UNC5D: variants seen among roughly 807,000 people sequenced by gnomAD.
UNC5D encodes the protein netrin receptor UNC5D.
In UNC5D, 39 loss-of-function variants were observed where a neutral mutation model predicts 105.4. The observed-to-expected ratio is 0.37, with a 90% CI of 0.29 to 0.48. UNC5D has a LOEUF of 0.48. Among genes scored for constraint, UNC5D ranks in the 20% least tolerant of loss-of-function variants. UNC5D has a pLI of 0.98. For synonymous variants in UNC5D, 452 were observed against 450.4 expected (o/e 1.00, Z -0.04); for missense variants, 991 against 1,202.4 (o/e 0.82, Z 2.60).
At chr8:35,533,252 T>C (rs1487702298) in intron 1 of UNC5D, among the ~76,000 whole-genome samples, 1 of 152,218 alleles carries the variant, frequency 6.6e-6, no homozygotes, top group African/African-American at 2.4e-5. Context: ...TGTTTGTTAG[T>C]TTTCCTTCTA....
chr8:35,776,628 G>GT (rs1003101105), intron 16 of UNC5D, among the ~76,000 whole-genome samples: 1 of 152,060 alleles, frequency 6.6e-6, no homozygotes, highest in Non-Finnish European at 1.5e-5. Context: ...TGGTTTACTT[G>GT]TTTTTGTTTT....
At chr8:35,361,349 A>AT (rs1801840899) in intron 1 of UNC5D, among the ~76,000 whole-genome samples, 1 of 152,208 alleles carries the variant, frequency 6.6e-6, no homozygotes, top group Non-Finnish European at 1.5e-5. Context: ...ATGGAATCTC[A>AT]TGGCTGTCCT....
chr8:35,525,873 A>G, intron 1 of UNC5D: 1 of 1,132,430 alleles, frequency 8.8e-7, no homozygotes, highest in Non-Finnish European at 1.2e-6. Context: ...CAGTTTAGCT[A>G]TTAAAAAAGA....
intron 1 of UNC5D, among the ~76,000 whole-genome samples, chr8:35,448,804 T>C (rs1196175635): frequency 6.6e-6 from 1 of 152,146 alleles, no homozygotes; most frequent in East Asian, 1.9e-4. Context: ...TGTTATTCTA[T>C]ACTCTATGTC....
intron 8 of UNC5D, among the ~76,000 whole-genome samples, chr8:35,712,092 G>C (rs549099491): frequency 6.6e-6 from 1 of 152,274 alleles, no homozygotes; most frequent in Non-Finnish European, 1.5e-5. Context: ...TCAATATGGT[G>C]AAACCCCATC....
chr8:35,635,536 A>G (rs1413463399), intron 4 of UNC5D, among the ~76,000 whole-genome samples: 1 of 152,148 alleles, frequency 6.6e-6, no homozygotes, highest in Non-Finnish European at 1.5e-5. Context: ...CCTGCTTGGA[A>G]AACATGATAA....
At chr8:35,728,692 T>A (rs546447572) in intron 10 of UNC5D, among the ~76,000 whole-genome samples, 1 of 152,298 alleles carries the variant, frequency 6.6e-6, no homozygotes, top group African/African-American at 2.4e-5. Flanking sequence ...ATGCCATCCA[T>A]CCTAAATTAT....
rs569979626 is a variant in UNC5D, at chr8:35,599,301, A to G, written c.570+3644A>G. Among the ~76,000 whole-genome samples, 3 of 152,240 alleles carry G rather than the reference A, an allele frequency of 2.0e-5. No individual in the cohort carries two copies. In the East Asian group the frequency reaches 5.8e-4, roughly 29 times the overall value. On this transcript the variant is annotated intron_variant, in intron 4 of 16. Coordinates refer to ENST00000404895, the MANE Select transcript of UNC5D (RefSeq NM_080872.4). ...ACTATGTTTATTGGTCTGTGGTACA[A>G]TATGGTGACTATAGTTAATAACAAT...
rs1222940005 is a variant in UNC5D at position 35,253,545 on chromosome 8, G to GGT, written c.103+17659_103+17660insTG. Among the ~76,000 whole-genome samples the GGT allele has an allele frequency of 3.1e-3, 440 of 141,854 alleles. 3 individuals are homozygous for GGT. Among genetic ancestry groups the GGT allele is most frequent in the African/African-American group, 0.011 (427 of 37,834 alleles). The allele number at this position is 141,854 out of a possible 152,430, so 93.1% of individuals were successfully genotyped here. ...TCTGTCGCCCAGGCTGGAGTGCAGTGGCACTATCTCAGCTCACTGCAACCT... is the reference window on the plus strand; with the variant it reads ...TCTGTCGCCCAGGCTGGAGTGCAGTGGTGCACTATCTCAGCTCACTGCAACCT... On this transcript the variant is annotated intron_variant, in intron 1 of 16. Coordinates refer to ENST00000404895, the MANE Select transcript of UNC5D (RefSeq NM_080872.4).
At chr8:35,670,901 G>A (rs1360046985) in intron 4 of UNC5D, among the ~76,000 whole-genome samples, 5 of 152,010 alleles carry the variant, frequency 3.3e-5, no homozygotes, top group African/African-American at 1.2e-4. Flanking sequence ...GAATATGTTG[G>A]CATATTTAAG....
At chr8:35,702,252 A>G (rs1469415098) in intron 7 of UNC5D, among the ~76,000 whole-genome samples, 1 of 152,174 alleles carries the variant, frequency 6.6e-6, no homozygotes, top group African/African-American at 2.4e-5. Context: ...GACCATTTAT[A>G]TACCATAGCT....
At chr8:35,650,679 C>T (rs902111461) in intron 4 of UNC5D, among the ~76,000 whole-genome samples, 1 of 151,930 alleles carries the variant, frequency 6.6e-6, no homozygotes, top group Non-Finnish European at 1.5e-5. Flanking sequence ...GCTATATTTG[C>T]CAGGCTGGTC....
At chr8:35,238,447 G>A (rs560444121) in intron 1 of UNC5D, among the ~76,000 whole-genome samples, 2 of 152,302 alleles carry the variant, frequency 1.3e-5, no homozygotes, top group South Asian at 4.1e-4. Context: ...CTGCCTGTCG[G>A]CATATTGTAA....
Position 35,750,767 on chromosome 8 carries a change from C to A in UNC5D, c.2121C>A (p.Asn707Lys), listed in dbSNP as rs775837539. 8 of 1,614,024 alleles carry A rather than the reference C, an allele frequency of 5.0e-6. No homozygotes were observed. The Admixed American group carries it at 1.0e-4, about 20-fold the overall frequency. The change falls in exon 13 of 17, where the codon AAC (asparagine) becomes AAA (lysine). Residue 707 changes from asparagine to lysine, a missense_variant. Asn to Lys is a moderately conservative substitution (Grantham distance 94). Transcript: ENST00000404895. ...TGTCCTGTAACTCCCTGGATTACAA[C>A]TTGAGAGTTTACTGTGTGGACAATA... is the stretch of plus-strand genomic sequence containing the variant. ...GCMSCNSLDY[N>K]LRVYCVDNTP...
At chr8:35,642,928 G>A (rs1158184162) in intron 4 of UNC5D, among the ~76,000 whole-genome samples, 7 of 152,068 alleles carry the variant, frequency 4.6e-5, no homozygotes, top group Admixed American at 4.6e-4. Context: ...ATAGAGTAAA[G>A]CAAACAGGTC....
intron 4 of UNC5D, among the ~76,000 whole-genome samples, chr8:35,655,295 T>C (rs971746842): frequency 6.6e-6 from 1 of 152,224 alleles, no homozygotes; most frequent in Non-Finnish European, 1.5e-5. Context: ...TCTTCTCTTA[T>C]TGAGATAAAA....
rs1226231631 is a variant in UNC5D, at chr8:35,531,210, G to C, written c.104-18082G>C. ...TGCTATAAATTTCCCTCTACACACT[G>C]CTTTGAATGCTTCCCAGAGATTCTG... On this transcript the variant is annotated intron_variant, in intron 1 of 16. Transcript: ENST00000404895. Among the ~76,000 whole-genome samples, 84 of 93,566 alleles carry C rather than the reference G, an allele frequency of 9.0e-4. 1 individual carries two copies. In the Middle Eastern group the frequency reaches 0.013, roughly 14 times the overall value. 61.4% of individuals were successfully genotyped at this position (93,566 alleles called of 152,430 possible).
At chr8:35,449,021 G>A (rs1213962422) in intron 1 of UNC5D, among the ~76,000 whole-genome samples, 2 of 152,146 alleles carry the variant, frequency 1.3e-5, no homozygotes, top group Non-Finnish European at 2.9e-5. Flanking sequence ...TGTTTTGGCA[G>A]AGTAGATGTT....
chr8:35,364,364 G>T (rs1384587304), intron 1 of UNC5D, among the ~76,000 whole-genome samples: 1 of 152,044 alleles, frequency 6.6e-6, no homozygotes, highest in Non-Finnish European at 1.5e-5. Context: ...ATATTTGCCT[G>T]CTATGAGGCC....
Sources: allele counts gnomAD v4.1 joint callset (sites outside exome capture counted in the v4.1 genomes callset), GRCh38; gene constraint gnomAD v4.1.1; transcripts MANE v1.5; gene names NCBI Gene and HGNC (gene_info 2026-07-23, HGNC 2026-07-21).